GABPB1: variants seen among roughly 807,000 people sequenced by gnomAD.
GABPB1 encodes GA-binding protein subunit beta-1.
A neutral mutation model predicts 45.9 loss-of-function variants in GABPB1; 15 were observed. That is an observed-to-expected ratio of 0.33 (90% CI 0.22 to 0.50). GABPB1 has a LOEUF of 0.50. Among genes scored for constraint, GABPB1 ranks in the 20% least tolerant of loss-of-function variants. GABPB1 has a pLI of 0.98. For missense variants in GABPB1, 252 were observed against 457.5 expected, an observed-to-expected ratio of 0.55 and a Z score of 4.10; for synonymous variants, 143 against 154.4, an observed-to-expected ratio of 0.93 and a Z score of 0.55.
chr15:50,294,592 G>A (rs1025275170), intron 6 of GABPB1, among the ~76,000 whole-genome samples: 15 of 152,086 alleles, frequency 9.9e-5, no homozygotes, highest in African/African-American at 3.6e-4. Context: ...TATTATGGTG[G>A]CAGTTTAACC....
chr15:50,305,338 T>C (rs752881885), intron 2 of GABPB1, among the ~76,000 whole-genome samples: 2 of 148,568 alleles, frequency 1.3e-5, no homozygotes, highest in African/African-American at 2.6e-5. Context: ...TTTGTTTGTT[T>C]AATTGTTGTT....
Position 50,300,769 on chromosome 15 carries a change from A to G in GABPB1, c.697+20T>C, listed in dbSNP as rs770166414. On this transcript the variant is annotated intron_variant, in intron 6 of 8. Coordinates refer to ENST00000380877, the MANE Select transcript of GABPB1 (RefSeq NM_016654.5). ...CTGAATCTGCAATTTTAATGTACAC[A>G]TTAGACTCGTTTTTCTAACCTGGAG... 6.8e-6 allele frequency: 10 copies of G among 1,471,320 alleles called. No individual in the cohort carries two copies. The highest frequency in any genetic ancestry group is 1.7e-4 in the Middle Eastern group (1 of 5,816). The allele number at this position is 1,471,320 out of a possible 1,614,324, so 91.1% of individuals were successfully genotyped here. A position where few individuals can be genotyped will look rare whatever the true frequency, so the allele number is the denominator to read the frequency against.
At chr15:50,305,544 T>C (rs1309452627) in intron 2 of GABPB1, among the ~76,000 whole-genome samples, 2 of 152,112 alleles carry the variant, frequency 1.3e-5, no homozygotes, top group East Asian at 3.9e-4. Flanking sequence ...GAGAAGGTCA[T>C]CCCAGCAGAT....
Position 50,295,985 on chromosome 15 carries a change from A to C in GABPB1, c.697+4804T>G, listed in dbSNP as rs191343328. Among the ~76,000 whole-genome samples, 825 of 152,340 alleles carry C rather than the reference A, an allele frequency of 5.4e-3. 5 individuals carry two copies. Among genetic ancestry groups the C allele is most frequent in the African/African-American group, 0.019 (790 of 41,578 alleles). ...GGACTACCATTAAAATGTGTGGTAT[A>C]TGTCAAAAATGGTACTAACGTCATT... On this transcript the variant is annotated intron_variant, in intron 6 of 8. Coordinates refer to ENST00000380877, the MANE Select transcript of GABPB1 (RefSeq NM_016654.5).
At chr15:50,318,894 G>C (rs73399285) in intron 1 of GABPB1, among the ~76,000 whole-genome samples, 24,959 of 152,128 alleles carry the variant, frequency 0.16, 2,229 homozygotes, top group Middle Eastern at 0.22. Context: ...CACACACACA[G>C]AGATATGCAC....
At chr15:50,312,265 T>C (rs372097576) in intron 1 of GABPB1, among the ~76,000 whole-genome samples, 6 of 151,982 alleles carry the variant, frequency 3.9e-5, no homozygotes, top group South Asian at 2.1e-4. Flanking sequence ...TAGTAAAGAA[T>C]AGGAAAAACA....
At chr15:50,283,996 G>A (rs1438758915) in intron 8 of GABPB1, among the ~76,000 whole-genome samples, 6 of 152,046 alleles carry the variant, frequency 3.9e-5, no homozygotes, top group South Asian at 2.1e-4. Flanking sequence ...CTTGTGCATC[G>A]TAGGATGTCT....
intron 5 of GABPB1, 40 bp from the exon 6 acceptor site, chr15:50,300,942 C>T (rs1303700315): frequency 8.2e-7 from 1 of 1,224,182 alleles, no homozygotes. Flanking sequence ...TTCTAAGGAG[C>T]TTAATCCAAT....
intron 6 of GABPB1, among the ~76,000 whole-genome samples, chr15:50,300,161 G>C (rs910602753): frequency 6.6e-6 from 1 of 152,110 alleles, no homozygotes; most frequent in Non-Finnish European, 1.5e-5. Context: ...AGCCAAATTA[G>C]AGACAGGGAC....
intron 1 of GABPB1, among the ~76,000 whole-genome samples, chr15:50,332,290 C>A (rs1477533861): frequency 6.6e-6 from 1 of 151,942 alleles, no homozygotes; most frequent in Non-Finnish European, 1.5e-5. Context: ...TGTTTCTGTT[C>A]TTTTGTTGGT....
chr15:50,349,804 C>A (rs1464852100), intron 1 of GABPB1: 1 of 152,170 alleles, frequency 6.6e-6, no homozygotes, highest in Non-Finnish European at 1.5e-5. Flanking sequence ...TGAAAAGTTA[C>A]ATCTTAATAT....
intron 1 of GABPB1, among the ~76,000 whole-genome samples, chr15:50,342,840 T>G (rs2048425720): frequency 6.6e-6 from 1 of 152,244 alleles, no homozygotes; most frequent in Non-Finnish European, 1.5e-5. Context: ...AGGTTTATAT[T>G]AACAAGTTGT....
chr15:50,322,779 C>T lies in GABPB1; in HGVS notation c.1-12981G>A, dbSNP rs139719400. On this transcript the variant is annotated intron_variant, in intron 1 of 8. Transcript: ENST00000380877. The stretch of plus-strand genomic sequence containing the variant: ...CGGTGGCTCATGCCTGTAATTCCAA[C>T]ACTTTGGGAGGCTGAGGCGGGTGGA... Among the ~76,000 whole-genome samples the T allele has an allele frequency of 5.0e-3, 757 of 152,254 alleles. 2 individuals carry two copies. Among genetic ancestry groups the T allele is most frequent in the African/African-American group, 0.017 (702 of 41,524 alleles).
intron 1 of GABPB1, among the ~76,000 whole-genome samples, chr15:50,326,903 T>C (rs1027076922): frequency 6.6e-6 from 1 of 152,046 alleles, no homozygotes; most frequent in African/African-American, 2.4e-5. Flanking sequence ...CTGAATACGC[T>C]TTCCTTCTAA....
intron 1 of GABPB1, among the ~76,000 whole-genome samples, chr15:50,336,391 C>G (rs1319239955): frequency 6.9e-6 from 1 of 145,218 alleles, no homozygotes; most frequent in Non-Finnish European, 1.5e-5. Flanking sequence ...AGATCTTTGA[C>G]AATTAAAAAA....
rs1211312014 is a variant in GABPB1 at position 50,309,621 on chromosome 15, T to C, written c.108+70A>G. On this transcript the variant is annotated intron_variant, in intron 2 of 8. Coordinates refer to ENST00000380877, the MANE Select transcript of GABPB1 (RefSeq NM_016654.5). ...TACCACTTATAAACACAATACTGAC[T>C]ACATTTTTCTCTGCAAAAACTCAAA... The C allele has an allele frequency of 3.5e-5, 31 of 896,398 alleles. 1 individual carries two copies. In the South Asian group the frequency reaches 3.5e-4, roughly 10 times the overall value. 55.5% of individuals were successfully genotyped at this position (896,398 alleles called of 1,614,324 possible). A position where few individuals can be genotyped will look rare whatever the true frequency, so the allele number is the denominator to read the frequency against.
chr15:50,348,452 T>C lies in GABPB1; in HGVS notation c.-1+6533A>G, dbSNP rs950235778. The stretch of plus-strand genomic sequence containing the variant: ...TTTTAGTAGGGACGGCGTTTCACCA[T>C]GTTGGCCAGGCTGGTCTCGAATTCT... On this transcript the variant is annotated intron_variant, in intron 1 of 8. Coordinates refer to ENST00000380877, the MANE Select transcript of GABPB1 (RefSeq NM_016654.5). Among the ~76,000 whole-genome samples the C allele has an allele frequency of 9.9e-5, 15 of 151,468 alleles. No individual in the cohort carries two copies. The East Asian group carries it at 1.6e-3, about 16-fold the overall frequency.
chr15:50,332,853 T>G (rs1441593339), intron 1 of GABPB1, among the ~76,000 whole-genome samples: 1 of 152,112 alleles, frequency 6.6e-6, no homozygotes, highest in Non-Finnish European at 1.5e-5. Context: ...ATTAGACATT[T>G]TTACTATGTT....
intron 1 of GABPB1, chr15:50,354,047 T>C (rs2141203050): frequency 4.2e-6 from 1 of 235,942 alleles, no homozygotes; most frequent in Middle Eastern, 1.6e-3. Flanking sequence ...AAGCTTAAAG[T>C]GGGAAGACAC....
Sources: allele counts gnomAD v4.1 joint callset (sites outside exome capture counted in the v4.1 genomes callset), GRCh38; gene constraint gnomAD v4.1.1; transcripts MANE v1.5; gene names NCBI Gene and HGNC (gene_info 2026-07-23, HGNC 2026-07-21).